The following ENKUR variants were observed in gnomAD, a reference collection of about 807,000 sequenced individuals.
ENKUR encodes enkurin.
In ENKUR, 19 loss-of-function variants were observed where a neutral mutation model predicts 27.6. The observed-to-expected ratio is 0.69, with a 90% confidence interval of 0.48 to 1.01. The LOEUF is 1.01. ENKUR is among the 50% of genes least tolerant of loss of function. The probability of loss-of-function intolerance (pLI) is 0.00; values close to 1 mark genes in which losing one functional copy is unlikely to be tolerated. For synonymous variants in ENKUR, 117 were observed against 96.9 expected, an observed-to-expected ratio of 1.21 and a Z score of -1.22; for missense variants, 312 against 310.5, an observed-to-expected ratio of 1.00 and a Z score of -0.04.
At chr10:24,999,296 A>G in intron 2 of ENKUR, 105 bp downstream of exon 2, 1 of 1,121,446 alleles carries the variant, frequency 8.9e-7, no homozygotes, top group Non-Finnish European at 1.3e-6. Flanking sequence ...ATATGAGGTA[A>G]AGCTGCTATC....
At chr10:25,059,476 C>T (rs1409425886) in intron 2 of ENKUR, among the ~76,000 whole-genome samples, 1 of 152,128 alleles carries the variant, frequency 6.6e-6, no homozygotes, top group African/African-American at 2.4e-5. Context: ...GTATGGAGAT[C>T]TGTATATAAC....
Position 25,008,945 on chromosome 10 carries a change from T to C in ENKUR, c.77+6915A>G, listed in dbSNP as rs111526568. 1.6e-3 allele frequency among the ~76,000 whole-genome samples: 243 copies of C among 151,888 alleles called. 1 individual carries two copies. Among genetic ancestry groups the C allele is most frequent in the African/African-American group, 3.5e-3 (146 of 41,202 alleles). On this transcript the variant is annotated intron_variant, in intron 1 of 5. Transcript: ENST00000331161. ...GCAGCCATAAAAAATGATGAGTTCA[T>C]GTCCTTTGTAGGGACATGGATGAAG...
chr10:24,990,965 T>C (rs1651788258), intron 3 of ENKUR, among the ~76,000 whole-genome samples: 2 of 152,176 alleles, frequency 1.3e-5, no homozygotes, highest in Admixed American at 1.3e-4. Context: ...CCAGGCATCG[T>C]GGCATGTGCC....
intron 1 of ENKUR, among the ~76,000 whole-genome samples, chr10:25,010,769 T>G (rs1158485616): frequency 7.0e-6 from 1 of 142,018 alleles, no homozygotes; most frequent in Non-Finnish European, 1.6e-5. Context: ...ACAAAGGACA[T>G]GAACTCATCA....
Position 25,024,139 on chromosome 10 carries a change from C to T in ENKUR, c.38-28270G>A, listed in dbSNP as rs766266413. On this transcript the variant is annotated intron_variant, in intron 2 of 5. Coordinates refer to the ENKUR transcript ENST00000615958. Reference sequence around the variant, plus strand: ...AAGATGTATCCATCCTGCAGACATACCTGCTGCCAGGTTGGGAGAAATGAT... The same window carrying T: ...AAGATGTATCCATCCTGCAGACATATCTGCTGCCAGGTTGGGAGAAATGAT... 54 of 1,614,034 alleles carry T rather than the reference C, an allele frequency of 3.3e-5. No individual in the cohort carries two copies. The South Asian group carries it at 4.0e-4, about 12-fold the overall frequency.
chr10:25,048,167 G>A (rs1211510678), intron 2 of ENKUR, among the ~76,000 whole-genome samples: 3 of 152,090 alleles, frequency 2.0e-5, no homozygotes, highest in South Asian at 4.1e-4. Context: ...TCACAAAACC[G>A]CAGGTCATGG....
chr10:25,049,256 C>G (rs1468938585), intron 2 of ENKUR, among the ~76,000 whole-genome samples: 1 of 152,114 alleles, frequency 6.6e-6, no homozygotes, highest in East Asian at 1.9e-4. Context: ...TACATTCTCT[C>G]AGATAAGTAT....
chr10:25,040,717 C>A (rs1294715310), intron 2 of ENKUR, among the ~76,000 whole-genome samples: 2 of 152,134 alleles, frequency 1.3e-5, no homozygotes, highest in African/African-American at 2.4e-5. Context: ...GAAGACATGG[C>A]TTTTTGGTCA....
upstream of ENKUR, among the ~76,000 whole-genome samples, chr10:25,017,595 A>G (rs1381970711): frequency 6.6e-6 from 1 of 150,964 alleles, no homozygotes; most frequent in Non-Finnish European, 1.5e-5. Flanking sequence ...ACTGAATTTC[A>G]CTACATAAGA....
At position 24,995,626 on chromosome 10, in the gene ENKUR, T is replaced by G. The variant is rs1277154874; in HGVS notation, c.447+20A>C. On this transcript the variant is annotated intron_variant, in intron 3 of 5. Coordinates refer to ENST00000331161, the MANE Select transcript of ENKUR (RefSeq NM_145010.4). ...AATTATTTGAATTTCAGCCCTCTTA[T>G]TAATATACCACAAGGCTACCTTTTT... is the stretch of plus-strand genomic sequence containing the variant. 6.3e-7 allele frequency: 1 copy of G among 1,589,644 alleles called. No homozygotes were observed. Among genetic ancestry groups the G allele is most frequent in the Non-Finnish European group, 8.6e-7 (1 of 1,166,264 alleles).
chr10:24,988,268 A>ATGTGTATATATATATT (rs1849825824), intron 4 of ENKUR, among the ~76,000 whole-genome samples: 1 of 145,300 alleles, frequency 6.9e-6, no homozygotes, highest in African/African-American at 2.5e-5. Flanking sequence ...ATATATATTT[A>ATGTGTATATATATATT]TATATATGTG....
At chr10:25,037,608 T>C (rs1851022057) in intron 2 of ENKUR, among the ~76,000 whole-genome samples, 2 of 152,232 alleles carry the variant, frequency 1.3e-5, no homozygotes, top group African/African-American at 4.8e-5. Context: ...GGAGAACTTT[T>C]ACCTCCAAAC....
chr10:25,015,965 T>C lies in ENKUR; in HGVS notation c.-29A>G. 6.3e-7 allele frequency: 1 copy of C among 1,592,086 alleles called. No homozygotes were observed. Among genetic ancestry groups the C allele is most frequent in the Non-Finnish European group, 8.5e-7 (1 of 1,170,094 alleles). On this transcript the variant is annotated 5_prime_UTR_variant, in exon 1 of 6. Transcript: ENST00000331161. ...CACCAAATGACTCCTTAAAAGCTAC[T>C]CTCCACAACTTTTTTCTCCCTGTCC...
chr10:25,009,470 T>G (rs1850389636), intron 1 of ENKUR, among the ~76,000 whole-genome samples: 1 of 152,238 alleles, frequency 6.6e-6, no homozygotes, highest in South Asian at 2.1e-4. Context: ...ATTTGCATGT[T>G]GATGTTAGCA....
At chr10:25,006,793 A>T (rs981063338) in intron 1 of ENKUR, among the ~76,000 whole-genome samples, 1 of 152,190 alleles carries the variant, frequency 6.6e-6, no homozygotes, top group African/African-American at 2.4e-5. Context: ...GAACTGTGCA[A>T]ACCAATTAAA....
At chr10:25,036,448 C>T (rs546564577) in intron 2 of ENKUR, among the ~76,000 whole-genome samples, 7 of 152,246 alleles carry the variant, frequency 4.6e-5, no homozygotes, top group East Asian at 3.9e-4. Flanking sequence ...TTATCAGCAG[C>T]GTGAAAATGG....
intron 1 of ENKUR, among the ~76,000 whole-genome samples, chr10:25,014,819 CA>C (rs1850528853): frequency 6.6e-6 from 1 of 152,096 alleles, no homozygotes; most frequent in Non-Finnish European, 1.5e-5. Flanking sequence ...TAATTTAAAC[CA>C]GATACTTAAA....
intron 2 of ENKUR, chr10:25,023,229 C>T: frequency 6.2e-7 from 1 of 1,606,668 alleles, no homozygotes; most frequent in Non-Finnish European, 8.5e-7. Flanking sequence ...AGAGAATGCT[C>T]CACTTTAACC....
At position 24,986,632 on chromosome 10, in the gene ENKUR, C is replaced by T. The variant is rs957031016; in HGVS notation, c.595-1727G>A. On this transcript the variant is annotated intron_variant, in intron 4 of 5. Transcript: ENST00000331161. ...TTCATAGCTAGTTGGGTGATGTTTC[C>T]ATATTACTTGCAGTCACAGCAGCTA... Among the ~76,000 whole-genome samples the T allele has an allele frequency of 2.0e-5, 3 of 152,074 alleles. No individual in the cohort carries two copies. The South Asian group carries it at 6.2e-4, about 32-fold the overall frequency.
Sources: gnomAD v4.1 joint callset for allele counts (sites outside exome capture counted in the v4.1 genomes callset) on GRCh38, gnomAD v4.1.1 for gene constraint, MANE v1.5 for transcripts, NCBI Gene and HGNC (gene_info 2026-07-23, HGNC 2026-07-21) for gene names.